The following KIF26B variants were observed in gnomAD, a reference collection of about 807,000 sequenced individuals.
KIF26B encodes the protein kinesin family member 26B.
KIF26B carries 63 observed loss-of-function variants against 151.2 expected under a neutral mutation model. The ratio of observed to expected loss-of-function variants is 0.42; its 90% CI spans 0.34 to 0.51. The LOEUF (loss-of-function observed/expected upper bound fraction) is 0.51. Among genes scored for constraint, KIF26B ranks in the 20% least tolerant of loss-of-function variants. The pLI, the probability that KIF26B is intolerant of heterozygous loss-of-function variation, is 0.07. For synonymous variants in KIF26B, 1,357 were observed against 1,262.1 expected (o/e 1.08, Z -1.59); for missense variants, 2,813 against 2,913.6 (o/e 0.97, Z 0.79).
Position 245,706,530 on chromosome 1 carries a change from G to A in KIF26B, c.*3924G>A, listed in dbSNP as rs191470080. 4.6e-5 allele frequency: 7 copies of A among 152,312 alleles called. No individual in the cohort carries two copies. The highest frequency in any genetic ancestry group is 4.6e-4 in the Admixed American group (7 of 15,302). The allele number at this position is 152,312 out of a possible 1,614,324, so 9.4% of individuals were successfully genotyped here. A position where few individuals can be genotyped will look rare whatever the true frequency, so the allele number is the denominator to read the frequency against. On this transcript the variant is annotated 3_prime_UTR_variant, in exon 15 of 15. Transcript: ENST00000407071. ...ATGAGTTAATTTCCAAACTAAAAAA[G>A]GAAGGAGTCCTGCCTGTACTCATTG...
intron 2 of KIF26B, among the ~76,000 whole-genome samples, chr1:245,193,147 G>A (rs896631342): frequency 1.3e-5 from 2 of 152,156 alleles, no homozygotes; most frequent in African/African-American, 4.8e-5. Flanking sequence ...ACGGTATTTG[G>A]TTTTCTGTTC....
intron 4 of KIF26B, among the ~76,000 whole-genome samples, chr1:245,445,650 A>G (rs916722561): frequency 1.3e-5 from 2 of 152,242 alleles, no homozygotes; most frequent in African/African-American, 2.4e-5. Flanking sequence ...TCATAAGCAT[A>G]GTGTATACTC....
intron 2 of KIF26B, among the ~76,000 whole-genome samples, chr1:245,290,015 C>T (rs1671229604): frequency 6.6e-6 from 1 of 152,170 alleles, no homozygotes; most frequent in African/African-American, 2.4e-5. Context: ...GTTAGGCTTC[C>T]TTATTCCCGT....
chr1:245,217,894 C>T (rs937737150), intron 2 of KIF26B, among the ~76,000 whole-genome samples: 7 of 152,092 alleles, frequency 4.6e-5, no homozygotes, highest in African/African-American at 1.2e-4. Flanking sequence ...ACCAACCTGC[C>T]GGTTAGGTTT....
At chr1:245,438,262 A>T (rs1251332272) in intron 4 of KIF26B, among the ~76,000 whole-genome samples, 2 of 152,176 alleles carry the variant, frequency 1.3e-5, no homozygotes, top group East Asian at 3.9e-4. Context: ...CACCTGGGCC[A>T]TATAGCTGCT....
chr1:245,327,531 G>A (rs966461795), intron 2 of KIF26B, among the ~76,000 whole-genome samples: 3 of 152,152 alleles, frequency 2.0e-5, no homozygotes, highest in African/African-American at 7.2e-5. Flanking sequence ...AGGAGGCAGC[G>A]GAAGTTCTTT....
intron 2 of KIF26B, among the ~76,000 whole-genome samples, chr1:245,190,046 CGTG>C (rs1208479608): frequency 2.0e-5 from 3 of 150,926 alleles, no homozygotes; most frequent in African/African-American, 4.9e-5. Context: ...TCCCACAACA[CGTG>C]GGAATTATGG....
At chr1:245,316,894 C>T (rs1157121617) in intron 2 of KIF26B, among the ~76,000 whole-genome samples, 4 of 121,498 alleles carry the variant, frequency 3.3e-5, no homozygotes, top group African/African-American at 3.7e-5. Flanking sequence ...TTTCCTGGTG[C>T]GTTTCCTTTA....
At chr1:245,353,445 G>A (rs887266642) in intron 2 of KIF26B, among the ~76,000 whole-genome samples, 8 of 152,226 alleles carry the variant, frequency 5.3e-5, no homozygotes, top group African/African-American at 1.9e-4. Context: ...TGGTGGAGGG[G>A]CGGTAGGGGT....
intron 3 of KIF26B, among the ~76,000 whole-genome samples, chr1:245,379,568 T>C (rs1007487376): frequency 2.0e-5 from 3 of 152,072 alleles, no homozygotes; most frequent in Non-Finnish European, 4.4e-5. Flanking sequence ...TATATGCTTA[T>C]GGTATATTAT....
intron 10 of KIF26B, among the ~76,000 whole-genome samples, chr1:245,653,258 C>A (rs1052391432): frequency 1.3e-5 from 2 of 152,106 alleles, no homozygotes; most frequent in Non-Finnish European, 2.9e-5. Flanking sequence ...AGGGCAGAAC[C>A]GAGAGCGGGA....
At chr1:245,461,495 C>A (rs1005070688) in intron 4 of KIF26B, among the ~76,000 whole-genome samples, 2 of 152,106 alleles carry the variant, frequency 1.3e-5, no homozygotes. Flanking sequence ...TGCAAGCATG[C>A]AGTGGCATGT....
intron 3 of KIF26B, among the ~76,000 whole-genome samples, chr1:245,403,178 G>A (rs1016837980): frequency 1.3e-5 from 2 of 151,992 alleles, no homozygotes; most frequent in Non-Finnish European, 2.9e-5. Flanking sequence ...TTGCTATGCT[G>A]CCCAGGCTGG....
chr1:245,156,247 T>G (rs1668429335), intron 1 of KIF26B, 35 bp from the exon 2 acceptor site: 1 of 1,538,464 alleles, frequency 6.5e-7, no homozygotes, highest in Non-Finnish European at 8.7e-7. Context: ...GCCCGCCGCC[T>G]TGCAGCCCCT....
chr1:245,310,011 T>A (rs1466252520), intron 2 of KIF26B, among the ~76,000 whole-genome samples: 3 of 147,748 alleles, frequency 2.0e-5, no homozygotes, highest in Non-Finnish European at 4.5e-5. Context: ...ACACTCCATA[T>A]GCAAAGAGAG....
chr1:245,464,056 C>T (rs762811118), intron 4 of KIF26B, among the ~76,000 whole-genome samples: 1 of 152,284 alleles, frequency 6.6e-6, no homozygotes, highest in East Asian at 1.9e-4. Flanking sequence ...TCATGCCATC[C>T]CCACCCTTTC....
chr1:245,562,056 A>G (rs1283926571), intron 5 of KIF26B, among the ~76,000 whole-genome samples: 1 of 152,036 alleles, frequency 6.6e-6, no homozygotes, highest in Non-Finnish European at 1.5e-5. Context: ...GGGCATCTTC[A>G]GTGTGTGCAG....
At chr1:245,346,572 A>G (rs931690648) in intron 2 of KIF26B, among the ~76,000 whole-genome samples, 1 of 152,138 alleles carries the variant, frequency 6.6e-6, no homozygotes, top group African/African-American at 2.4e-5. Context: ...CTGTGATTTC[A>G]GTGTTCTTGT....
intron 10 of KIF26B, among the ~76,000 whole-genome samples, chr1:245,651,343 G>T (rs2044013435): frequency 6.6e-6 from 1 of 152,226 alleles, no homozygotes. Flanking sequence ...TCTCATCCAA[G>T]AGAGGGTGGG....
Sources: allele counts gnomAD v4.1 joint callset (sites outside exome capture counted in the v4.1 genomes callset), GRCh38; gene constraint gnomAD v4.1.1; transcripts MANE v1.5; gene names NCBI Gene and HGNC (gene_info 2026-07-23, HGNC 2026-07-21).